Variants in MYBBP1A observed in about 807,000 individuals in gnomAD.
The protein encoded by MYBBP1A is MYB binding protein 1a.
MYBBP1A carries 147 observed loss-of-function variants against 136.3 expected under a neutral mutation model. That is an observed-to-expected ratio of 1.08 (90% CI 0.94 to 1.24). The LOEUF is 1.24. Among genes scored for constraint, MYBBP1A ranks in the 50% most tolerant of loss-of-function variants. MYBBP1A has a pLI of 0.00. For synonymous variants in MYBBP1A, 947 were observed against 735.8 expected (o/e 1.29, Z -4.65); for missense variants, 2,060 against 1,727.4 (o/e 1.19, Z -3.41).
At position 4,539,167 on chromosome 17, in the gene MYBBP1A, G is replaced by A. The variant is rs1260880816; in HGVS notation, c.*248C>T. On this transcript the variant is annotated 3_prime_UTR_variant, in exon 26 of 26. Coordinates refer to ENST00000254718, the MANE Select transcript of MYBBP1A (RefSeq NM_014520.4). ...AGGCAAACACCAGAGCCCTGGACATGGCCCTGGAGCCAGGGTCCCAGCCCA... is the reference window on the plus strand; with the variant it reads ...AGGCAAACACCAGAGCCCTGGACATAGCCCTGGAGCCAGGGTCCCAGCCCA... The A allele has an allele frequency of 1.0e-5, 15 of 1,457,040 alleles. No individual in the cohort carries two copies. The highest frequency in any genetic ancestry group is 2.5e-5 in the East Asian group (1 of 40,590). 90.3% of individuals were successfully genotyped at this position (1,457,040 alleles called of 1,614,324 possible).
At chr17:4,549,013 G>A (rs895788648) in intron 10 of MYBBP1A, among the ~76,000 whole-genome samples, 1 of 152,268 alleles carries the variant, frequency 6.6e-6, no homozygotes, top group Admixed American at 6.5e-5. Context: ...TGAGGGTGAC[G>A]TGAGCACCCA....
At position 4,548,881 on chromosome 17, in the gene MYBBP1A, C is replaced by G. The variant is rs1233168378; in HGVS notation, c.1431-232G>C. On this transcript the variant is annotated intron_variant, in intron 10 of 25. Transcript: ENST00000254718. This position sits in a 1 kb window ranked among gnomAD's most constrained non-coding sequence, Gnocchi z 4.2. ...ATCCCCAGCTGAACGCGGGTTAACC[C>G]GAGCTAGAGAGAGTCAGTGCCCCTC... Among the ~76,000 whole-genome samples, 1 of 152,208 alleles carries G rather than the reference C, an allele frequency of 6.6e-6. No individual in the cohort carries two copies. Among genetic ancestry groups the G allele is most frequent in the African/African-American group, 2.4e-5 (1 of 41,452 alleles).
In MYBBP1A at chr17:4,544,762, A is replaced by G. The variant is rs909014494; in HGVS notation, c.2470T>C (p.Phe824Leu). Residue 824 changes from phenylalanine to leucine, a missense_variant, in exon 18 of 26, where the codon TTC becomes CTC. By Grantham distance (22) the Phe-to-Leu change is conservative. Transcript: ENST00000254718. ...LQKEKALRRD[F>L]QIRVLDLVEV... ...GCCCCCAGGCTCACCCGGATCTGGAAGTCGCGCCGCAGAGCCTTCTCCTTC... is the reference window on the plus strand; with the variant it reads ...GCCCCCAGGCTCACCCGGATCTGGAGGTCGCGCCGCAGAGCCTTCTCCTTC... 6.4e-7 allele frequency: 1 copy of G among 1,566,348 alleles called. No individual in the cohort carries two copies. Among genetic ancestry groups the G allele is most frequent in the Non-Finnish European group, 8.7e-7 (1 of 1,154,890 alleles).
chr17:4,551,877 C>G lies in MYBBP1A; in HGVS notation c.1023+3G>C, dbSNP rs374945653. 2.5e-6 allele frequency: 4 copies of G among 1,612,130 alleles called. No individual in the cohort carries two copies. Among genetic ancestry groups the G allele is most frequent in the Non-Finnish European group, 3.4e-6 (4 of 1,179,000 alleles). On this transcript the variant is annotated splice_donor_region_variant and intron_variant, in intron 8 of 25. Coordinates refer to ENST00000254718, the MANE Select transcript of MYBBP1A (RefSeq NM_014520.4). ...AGTGTCGAGCTGCACGGGCATTACCCACCTTAGCAGTGCACACGTGCTCCC... is the reference window on the plus strand; with the variant it reads ...AGTGTCGAGCTGCACGGGCATTACCGACCTTAGCAGTGCACACGTGCTCCC...
At chr17:4,541,723 G>C in intron 23 of MYBBP1A, 61 bp downstream of exon 23, 1 of 1,517,830 alleles carries the variant, frequency 6.6e-7, no homozygotes, top group Non-Finnish European at 9.1e-7. Flanking sequence ...CTTTCCCAGA[G>C]ATCGGTCTCC....
At position 4,551,877 on chromosome 17, in the gene MYBBP1A, C is replaced by T. The variant is rs374945653; in HGVS notation, c.1023+3G>A. 4 of 1,612,130 alleles carry T rather than the reference C, an allele frequency of 2.5e-6. No individual in the cohort carries two copies. The highest frequency in any genetic ancestry group is 2.5e-6 in the Non-Finnish European group (3 of 1,179,000). On this transcript the variant is annotated splice_donor_region_variant and intron_variant, in intron 8 of 25. Transcript: ENST00000254718. ...AGTGTCGAGCTGCACGGGCATTACCCACCTTAGCAGTGCACACGTGCTCCC... is the reference window on the plus strand; with the variant it reads ...AGTGTCGAGCTGCACGGGCATTACCTACCTTAGCAGTGCACACGTGCTCCC...
chr17:4,550,000 T>A lies in MYBBP1A; in HGVS notation c.1319+58A>T, dbSNP rs1216982350. ...GGAGGGCGGGCTTGGGTCGCGGGGC[T>A]CTGCAGGCCTAGGAAGTTAACTCCT... On this transcript the variant is annotated intron_variant, in intron 9 of 25. Transcript: ENST00000254718. 1.9e-6 allele frequency: 3 copies of A among 1,540,942 alleles called. No individual in the cohort carries two copies. In the East Asian group the frequency reaches 6.8e-5, roughly 35 times the overall value.
Position 4,555,362 on chromosome 17 carries a change from C to T in MYBBP1A, c.-38G>A, listed in dbSNP as rs7219079. 11,604 of 1,558,074 alleles carry T rather than the reference C, an allele frequency of 7.4e-3. 764 individuals are homozygous for T. The African/African-American group carries it at 0.14, about 19-fold the overall frequency. On this transcript the variant is annotated 5_prime_UTR_variant, in exon 1 of 26. Transcript: ENST00000254718. ...CACCGAAACACGAAACACGTGTGCT[C>T]CGGCCCCAGCCGCTTCCAGGTCAGG...
intron 24 of MYBBP1A, 115 bp from the exon 25 acceptor site, chr17:4,540,599 C>G: frequency 7.8e-7 from 1 of 1,275,162 alleles, no homozygotes; most frequent in Non-Finnish European, 1.0e-6. Context: ...CTGCCCCTTC[C>G]TGGGCCTCAG....
Position 4,543,311 on chromosome 17 carries a change from G to A in MYBBP1A, c.2640-146C>T, listed in dbSNP as rs955121685. 23 of 1,145,172 alleles carry A rather than the reference G, an allele frequency of 2.0e-5. No individual in the cohort carries two copies. The African/African-American group carries it at 2.5e-4, about 12-fold the overall frequency. The allele number at this position is 1,145,172 out of a possible 1,614,324, so 70.9% of individuals were successfully genotyped here. ...GACCCAGGCCACAGAGGAGGGCCCA[G>A]GGCCGCCTGCAGGCTGCCTGGAAGC... On this transcript the variant is annotated intron_variant, in intron 19 of 25. Transcript: ENST00000254718.
Position 4,545,696 on chromosome 17 carries a change from T to TGC in MYBBP1A, c.1986_1987insGC (p.Ser663AlafsTer20). On this transcript the variant is annotated frameshift_variant, in exon 15 of 26. Coordinates refer to ENST00000254718, the MANE Select transcript of MYBBP1A (RefSeq NM_014520.4). LOFTEE classifies it high-confidence loss of function. ...CGGGCCACCTGGCGCATGAGGTGGC[T>TGC]GGGCTGGGCCAACAGGGCCAGCAAG... The TGC allele has an allele frequency of 6.2e-7, 1 of 1,611,092 alleles. No homozygotes were observed. Among genetic ancestry groups the TGC allele is most frequent in the Non-Finnish European group, 8.5e-7 (1 of 1,178,192 alleles).
In MYBBP1A at chr17:4,550,361, A is replaced by G; in HGVS notation, c.1024-8T>C. On this transcript the variant is annotated splice_region_variant and splice_polypyrimidine_tract_variant and intron_variant, in intron 8 of 25. Coordinates refer to ENST00000254718, the MANE Select transcript of MYBBP1A (RefSeq NM_014520.4). Reference sequence around the variant, plus strand: ...CTTGAACTGCTTTGGGAGCTGCAAGAGTTAGGCATGGCGCTGAGCCCACCA... The same window carrying G: ...CTTGAACTGCTTTGGGAGCTGCAAGGGTTAGGCATGGCGCTGAGCCCACCA... The G allele has an allele frequency of 6.2e-7, 1 of 1,607,768 alleles. No homozygotes were observed. Among genetic ancestry groups the G allele is most frequent in the Non-Finnish European group, 8.5e-7 (1 of 1,177,038 alleles).
In MYBBP1A at chr17:4,541,705, C is replaced by T. The variant is rs530983764; in HGVS notation, c.3195+79G>A. The T allele has an allele frequency of 4.3e-5, 63 of 1,479,324 alleles. No individual in the cohort carries two copies. The African/African-American group carries it at 8.4e-4, about 20-fold the overall frequency. The allele number at this position is 1,479,324 out of a possible 1,614,324, so 91.6% of individuals were successfully genotyped here. A position where few individuals can be genotyped will look rare whatever the true frequency, so the allele number is the denominator to read the frequency against. Reference sequence around the variant, plus strand: ...CCCGACTCTGGACTCAGGCTCCAATCCTCACTTCTTTCCCAGAGATCGGTC... The same window carrying T: ...CCCGACTCTGGACTCAGGCTCCAATTCTCACTTCTTTCCCAGAGATCGGTC... On this transcript the variant is annotated intron_variant, in intron 23 of 25. Coordinates refer to ENST00000254718, the MANE Select transcript of MYBBP1A (RefSeq NM_014520.4).
chr17:4,542,787 C>G, intron 20 of MYBBP1A, 46 bp from the exon 21 acceptor site: 1 of 1,607,490 alleles, frequency 6.2e-7, no homozygotes, highest in Non-Finnish European at 8.5e-7. Flanking sequence ...AGAGGGGTCC[C>G]TGGGATGGGA....
In MYBBP1A at chr17:4,551,989, C is replaced by G. The variant is rs1255591120; in HGVS notation, c.914G>C (p.Cys305Ser). 2 of 1,608,896 alleles carry G rather than the reference C, an allele frequency of 1.2e-6. No homozygotes were observed. The highest frequency in any genetic ancestry group is 1.1e-5 in the South Asian group (1 of 90,778). Residue 305 changes from cysteine to serine, a missense_variant, in exon 8 of 26, where the codon TGT becomes TCT. Transcript: ENST00000254718. ...KMQFWPASYL[C>S]FRLLGAALPL... ...CAGGGCCGCGCCCAGCAGGCGGAAACACAGGTAGCTAAAGGGGGTGCAGGA... is the reference window on the plus strand; with the variant it reads ...CAGGGCCGCGCCCAGCAGGCGGAAAGACAGGTAGCTAAAGGGGGTGCAGGA...
At position 4,541,893 on chromosome 17, in the gene MYBBP1A, TGTGGGTGGGCAAAG is replaced by T; in HGVS notation, c.3088-16_3088-3del. On this transcript the variant is annotated splice_region_variant and splice_polypyrimidine_tract_variant and intron_variant, in intron 22 of 25. Coordinates refer to ENST00000254718, the MANE Select transcript of MYBBP1A (RefSeq NM_014520.4). ...GGTCTTCTGGAGCAGCAGGCAGGCC[TGTGGGTGGGCAAAG>T]GTGGGTGGCAGGAGCCTTGGCACGT... The T allele has an allele frequency of 1.2e-6, 2 of 1,612,142 alleles. No individual in the cohort carries two copies. The highest frequency in any genetic ancestry group is 8.5e-7 in the Non-Finnish European group (1 of 1,179,142).
In MYBBP1A at chr17:4,540,329, TCCC is replaced by T. The variant is rs766250987; in HGVS notation, c.3434+16_3434+18del. The T allele has an allele frequency of 5.2e-5, 82 of 1,588,112 alleles. No individual in the cohort carries two copies. The East Asian group carries it at 1.7e-3, about 34-fold the overall frequency. On this transcript the variant is annotated intron_variant, in intron 25 of 25. Coordinates refer to ENST00000254718, the MANE Select transcript of MYBBP1A (RefSeq NM_014520.4). ...TCCCAGCCCCTACCCAAGGTGTGTG[TCCC>T]CCTCCCAGAACCTACTGGACTCCCA...
Position 4,539,986 on chromosome 17 carries a change from G to A in MYBBP1A, c.3435-19C>T. The A allele has an allele frequency of 1.9e-6, 3 of 1,590,154 alleles. No homozygotes were observed. The highest frequency in any genetic ancestry group is 2.6e-6 in the Non-Finnish European group (3 of 1,173,554). On this transcript the variant is annotated intron_variant, in intron 25 of 25. Transcript: ENST00000254718. ...GGGGCGCCTGAAGGGAAGTGAGCAAGGTTAGAAGGTGCCCATCGAGGGCAG... is the reference window on the plus strand; with the variant it reads ...GGGGCGCCTGAAGGGAAGTGAGCAAAGTTAGAAGGTGCCCATCGAGGGCAG...
chr17:4,544,770 C>T lies in MYBBP1A; in HGVS notation c.2462G>A (p.Arg821Gln), dbSNP rs537566248. The T allele has an allele frequency of 4.9e-5, 77 of 1,581,396 alleles. No individual in the cohort carries two copies. The South Asian group carries it at 7.8e-4, about 16-fold the overall frequency. ...GCTCACCCGGATCTGGAAGTCGCGCCGCAGAGCCTTCTCCTTCTGCAGCTT... is the reference window on the plus strand; with the variant it reads ...GCTCACCCGGATCTGGAAGTCGCGCTGCAGAGCCTTCTCCTTCTGCAGCTT... ...KNKLQKEKAL[R>Q]RDFQIRVLDL... is the part of the protein sequence containing the mutation. The change falls in exon 18 of 26, where the codon CGG becomes CAG. Residue 821 changes from arginine (R) to glutamine (Q), a missense_variant. Coordinates refer to ENST00000254718, the MANE Select transcript of MYBBP1A (RefSeq NM_014520.4).
Sources: gnomAD v4.1 joint callset for allele counts (sites outside exome capture counted in the v4.1 genomes callset) on GRCh38, gnomAD v4.1.1 for gene constraint, Gnocchi (gnomAD v3.1) non-coding constraint, MANE v1.5 for transcripts, NCBI Gene and HGNC (gene_info 2026-07-23, HGNC 2026-07-21) for gene names.